The following SSBP3 variants were observed in gnomAD, a reference collection of about 807,000 sequenced individuals.
The protein encoded by SSBP3 is single-stranded DNA-binding protein 3.
A neutral mutation model predicts 69.6 loss-of-function variants in SSBP3; 5 were observed. The ratio of observed to expected loss-of-function variants is 0.07; its 90% CI spans 0.04 to 0.15. SSBP3 has a LOEUF of 0.15. Among genes scored for constraint, SSBP3 ranks in the 10% least tolerant of loss-of-function variants. The pLI, the probability that SSBP3 is intolerant of heterozygous loss-of-function variation, is 1.00. For synonymous variants in SSBP3, 196 were observed against 193.4 expected (o/e 1.01, Z -0.11); for missense variants, 312 against 534.0 (o/e 0.58, Z 4.10).
chr1:54,301,990 G>A (rs1645810705), intron 4 of SSBP3, among the ~76,000 whole-genome samples: 1 of 152,182 alleles, frequency 6.6e-6, no homozygotes, highest in African/African-American at 2.4e-5. Flanking sequence ...GAGGAAGACG[G>A]AGGCACGAAC....
At chr1:54,361,818 G>C (rs943868058) in intron 4 of SSBP3, among the ~76,000 whole-genome samples, 3 of 152,102 alleles carry the variant, frequency 2.0e-5, no homozygotes, top group African/African-American at 7.2e-5. Flanking sequence ...TGATACTACT[G>C]GTCAATGTGG....
chr1:54,291,144 C>G (rs1026306295), intron 4 of SSBP3, among the ~76,000 whole-genome samples: 1 of 140,734 alleles, frequency 7.1e-6, no homozygotes, highest in African/African-American at 2.6e-5. Flanking sequence ...GAAAACCACC[C>G]GCTTCTAGAA....
At chr1:54,338,582 C>T (rs553025340) in intron 4 of SSBP3, among the ~76,000 whole-genome samples, 60 of 152,288 alleles carry the variant, frequency 3.9e-4, no homozygotes, top group African/African-American at 1.4e-3. Flanking sequence ...CGTCCATTTG[C>T]CTTTACGGCA....
chr1:54,378,843 G>C (rs1418992801), intron 4 of SSBP3, among the ~76,000 whole-genome samples: 1 of 152,214 alleles, frequency 6.6e-6, no homozygotes, highest in Non-Finnish European at 1.5e-5. Context: ...CAGGAAAAGA[G>C]AGCCCGCTTT....
intron 4 of SSBP3, among the ~76,000 whole-genome samples, chr1:54,301,790 A>G (rs958119497): frequency 1.3e-5 from 2 of 152,016 alleles, no homozygotes; most frequent in Non-Finnish European, 2.9e-5. Flanking sequence ...CGGGGCCTTC[A>G]CCACAGTGCT....
At position 54,241,518 on chromosome 1, in the gene SSBP3, A is replaced by G. The variant is rs751240941; in HGVS notation, c.766-9T>C. On this transcript the variant is annotated splice_polypyrimidine_tract_variant and intron_variant, in intron 11 of 17. Transcript: ENST00000610401. ...GAGGAGGAGTATGGAATCTAAAAAC[A>G]AGATGTCAGGGAGCCCCACGTCAGA... 1 of 1,613,924 alleles carries G rather than the reference A, an allele frequency of 6.2e-7. No individual in the cohort carries two copies. Among genetic ancestry groups the G allele is most frequent in the South Asian group, 1.1e-5 (1 of 91,070 alleles).
At chr1:54,394,376 C>T (rs1043005594) in intron 4 of SSBP3, among the ~76,000 whole-genome samples, 13 of 152,108 alleles carry the variant, frequency 8.5e-5, no homozygotes, top group African/African-American at 3.1e-4. Flanking sequence ...TTTACCTCCC[C>T]CCACTGCCCC....
chr1:54,373,305 G>A (rs748354990), intron 4 of SSBP3, among the ~76,000 whole-genome samples: 17 of 152,254 alleles, frequency 1.1e-4, no homozygotes, highest in Non-Finnish European at 2.1e-4. Context: ...CAATCAAGCG[G>A]CCTCTTCCCT....
chr1:54,326,678 G>C (rs1283705724), intron 4 of SSBP3, among the ~76,000 whole-genome samples: 2 of 152,092 alleles, frequency 1.3e-5, no homozygotes, highest in African/African-American at 4.8e-5. Context: ...CTGTTTCATG[G>C]GAATACCCAG....
chr1:54,373,431 G>A (rs966051993), intron 4 of SSBP3, among the ~76,000 whole-genome samples: 1 of 152,090 alleles, frequency 6.6e-6, no homozygotes, highest in East Asian at 1.9e-4. Flanking sequence ...GGGCTGCCCT[G>A]GATGGATTTA....
At chr1:54,240,991 C>G (rs1458324382) in intron 12 of SSBP3, 32 bp from the exon 13 acceptor site, 2 of 1,589,982 alleles carry the variant, frequency 1.3e-6, no homozygotes, top group African/African-American at 1.4e-5. Context: ...CATCAGACAC[C>G]CACGGTGGTA....
intron 4 of SSBP3, among the ~76,000 whole-genome samples, chr1:54,334,912 T>C (rs1646483191): frequency 2.0e-5 from 3 of 152,154 alleles, no homozygotes; most frequent in Non-Finnish European, 4.4e-5. Flanking sequence ...TTGTAGGACT[T>C]TACATTTATG....
At chr1:54,239,486 G>A (rs1644566018) in intron 13 of SSBP3, among the ~76,000 whole-genome samples, 1 of 152,180 alleles carries the variant, frequency 6.6e-6, no homozygotes, top group Non-Finnish European at 1.5e-5. Context: ...CCCAGACACT[G>A]CCTGGGACAA....
At chr1:54,396,217 A>C (rs538248344) in intron 4 of SSBP3, among the ~76,000 whole-genome samples, 1 of 146,100 alleles carries the variant, frequency 6.8e-6, no homozygotes, top group African/African-American at 2.5e-5. Flanking sequence ...AAAAAAAAAA[A>C]AACAACCCCA....
intron 4 of SSBP3, among the ~76,000 whole-genome samples, 155 bp from the exon 5 acceptor site, chr1:54,281,682 G>A (rs1177117472): frequency 6.6e-6 from 1 of 152,150 alleles, no homozygotes; most frequent in Non-Finnish European, 1.5e-5. Context: ...GCGTCCCAGG[G>A]AAGTGTCATG....
At chr1:54,406,108 C>A in exon 1 of SSBP3, 4 of 991,478 alleles carry the variant, frequency 4.0e-6, no homozygotes, top group Non-Finnish European at 5.5e-6. Flanking sequence ...GCCCCCTCCC[C>A]GGCGCTCGCT....
intron 1 of SSBP3, among the ~76,000 whole-genome samples, chr1:54,411,965 T>C (rs1650005956): frequency 6.8e-6 from 1 of 146,962 alleles, no homozygotes; most frequent in South Asian, 2.2e-4. Flanking sequence ...CACCCACCAC[T>C]CCCCCAACTC....
At chr1:54,321,426 G>T (rs1646211758) in intron 4 of SSBP3, among the ~76,000 whole-genome samples, 1 of 152,208 alleles carries the variant, frequency 6.6e-6, no homozygotes, top group Admixed American at 6.5e-5. Context: ...CCTAGCTTCT[G>T]TCCCAGGGCT....
At chr1:54,316,306 G>A (rs568883229) in intron 4 of SSBP3, among the ~76,000 whole-genome samples, 12 of 150,726 alleles carry the variant, frequency 8.0e-5, no homozygotes, top group South Asian at 4.2e-4. Context: ...TCGCGCCACC[G>A]CACTCCAGCC....
Sources: allele counts gnomAD v4.1 joint callset (sites outside exome capture counted in the v4.1 genomes callset), GRCh38; gene constraint gnomAD v4.1.1; transcripts MANE v1.5; gene names NCBI Gene and HGNC (gene_info 2026-07-23, HGNC 2026-07-21).